KDM4C: variants seen among roughly 807,000 people sequenced by gnomAD.
KDM4C encodes the protein lysine demethylase 4C.
KDM4C carries 81 observed loss-of-function variants against 129.3 expected under a neutral mutation model. The ratio of observed to expected loss-of-function variants is 0.63; its 90% CI spans 0.52 to 0.75. The LOEUF (loss-of-function observed/expected upper bound fraction) is 0.75. KDM4C is among the 30% of genes least tolerant of loss of function. The pLI, the probability that KDM4C is intolerant of heterozygous loss-of-function variation, is 0.00. For missense variants in KDM4C, 1,457 were observed against 1,304.0 expected (o/e 1.12, Z -1.81); for synonymous variants, 573 against 456.1 (o/e 1.26, Z -3.26).
chr9:6,870,732 G>T (rs577410060), intron 5 of KDM4C, among the ~76,000 whole-genome samples: 1 of 152,112 alleles, frequency 6.6e-6, no homozygotes, highest in East Asian at 1.9e-4. Flanking sequence ...TGAGGTACTG[G>T]GCTTTCTTCT....
At chr9:7,105,472 G>T (rs768464050) in intron 18 of KDM4C, 30 of 470,686 alleles carry the variant, frequency 6.4e-5, no homozygotes, top group African/African-American at 5.4e-4. Flanking sequence ...GCTGCTGCTG[G>T]TGCTACAATC....
chr9:6,811,745 A>G (rs1831188411), intron 3 of KDM4C, among the ~76,000 whole-genome samples: 1 of 152,166 alleles, frequency 6.6e-6, no homozygotes, highest in African/African-American at 2.4e-5. Context: ...AGAGAAATTC[A>G]GCCCCGTGTC....
chr9:7,128,741 G>A (rs1474719038), intron 19 of KDM4C, among the ~76,000 whole-genome samples: 1 of 152,146 alleles, frequency 6.6e-6, no homozygotes, highest in Non-Finnish European at 1.5e-5. Flanking sequence ...CATTTAAGTA[G>A]TTTCGTTACT....
intron 15 of KDM4C, 132 bp downstream of exon 15, chr9:7,016,061 G>C (rs1192093956): frequency 2.0e-6 from 1 of 509,092 alleles, no homozygotes; most frequent in Non-Finnish European, 3.6e-6. Flanking sequence ...TGTGTTTCTA[G>C]TCTTCCCTCT....
At chr9:6,849,441 G>C (rs760718718) in intron 4 of KDM4C, 66 bp from the exon 5 acceptor site, 2 of 1,354,322 alleles carry the variant, frequency 1.5e-6, no homozygotes, top group Non-Finnish European at 2.0e-6. Flanking sequence ...GGTTTGATTA[G>C]TAAATGCTAT....
chr9:7,105,447 A>G (rs1220041922), intron 18 of KDM4C: 10 of 470,854 alleles, frequency 2.1e-5, no homozygotes, highest in East Asian at 6.9e-5. Flanking sequence ...TTGTATTGCT[A>G]CTACTACTTC....
At chr9:6,816,408 C>A (rs917210479) in intron 4 of KDM4C, among the ~76,000 whole-genome samples, 1 of 151,768 alleles carries the variant, frequency 6.6e-6, no homozygotes, top group African/African-American at 2.4e-5. Context: ...ATAGGCTCCC[C>A]TTTTCCTCCA....
Position 7,089,926 on chromosome 9 carries a change from T to G in KDM4C, c.2425-13759T>G, listed in dbSNP as rs983808257. On this transcript the variant is annotated intron_variant, in intron 17 of 21. Transcript: ENST00000381309. Reference sequence around the variant, plus strand: ...ATGGCCGTCAGCTGGGTTCCATTCCTAAGCTTGAACTGTGGCTTAAAGCAG... The same window carrying G: ...ATGGCCGTCAGCTGGGTTCCATTCCGAAGCTTGAACTGTGGCTTAAAGCAG... 5.9e-5 allele frequency among the ~76,000 whole-genome samples: 9 copies of G among 152,266 alleles called. 1 individual carries two copies.
intron 21 of KDM4C, among the ~76,000 whole-genome samples, chr9:7,173,652 C>T (rs903908840): frequency 1.2e-4 from 18 of 152,106 alleles, no homozygotes; most frequent in Non-Finnish European, 2.4e-4. Context: ...ATCCTGGACA[C>T]GGTGGGGAAA....
chr9:6,767,303 G>T (rs868494916), intron 1 of KDM4C, among the ~76,000 whole-genome samples: 2 of 148,606 alleles, frequency 1.3e-5, no homozygotes, highest in Non-Finnish European at 3.0e-5. Flanking sequence ...CTCACGCCCG[G>T]CTAATTTTTT....
intron 8 of KDM4C, among the ~76,000 whole-genome samples, chr9:6,897,752 TGTA>T (rs1349840607): frequency 1.3e-5 from 2 of 152,204 alleles, no homozygotes; most frequent in African/African-American, 4.8e-5. Context: ...CTTGCAAAGT[TGTA>T]GTATTAATGG....
intron 1 of KDM4C, among the ~76,000 whole-genome samples, chr9:6,729,199 G>C (rs1278567513): frequency 3.5e-5 from 1 of 28,190 alleles, no homozygotes; most frequent in Non-Finnish European, 5.2e-5. Flanking sequence ...GCAAAGCTCC[G>C]TCTCCAAAAA....
intron 16 of KDM4C, 38 bp from the exon 17 acceptor site, chr9:7,049,054 G>A: frequency 7.1e-7 from 1 of 1,400,072 alleles, no homozygotes; most frequent in East Asian, 2.3e-5. Flanking sequence ...GTAAGTTTAG[G>A]GAACTTTTGT....
chr9:6,797,912 C>G (rs1195200988), intron 2 of KDM4C, among the ~76,000 whole-genome samples: 1 of 152,176 alleles, frequency 6.6e-6, no homozygotes, highest in Non-Finnish European at 1.5e-5. Flanking sequence ...TTGATATAAT[C>G]AGGAAGGTGA....
upstream of KDM4C, among the ~76,000 whole-genome samples, chr9:6,752,694 C>T (rs576013022): frequency 3.9e-5 from 6 of 152,090 alleles, no homozygotes; most frequent in Non-Finnish European, 8.8e-5. Flanking sequence ...TAAGCCACCG[C>T]GCTCAGCCTA....
Position 6,752,332 on chromosome 9 carries a change from C to CAAA in KDM4C, c.49+31362_49+31364dup, listed in dbSNP as rs1159747148. Reference sequence around the variant, plus strand: ...TGGGCGACAGAGCGAAACTCCGTCTCAAAAAAAAAAAAAAAAAAAAAAAAA... The same window carrying CAAA: ...TGGGCGACAGAGCGAAACTCCGTCTCAAAAAAAAAAAAAAAAAAAAAAAAAAAA... On this transcript the variant is annotated intron_variant, in intron 1 of 17. Coordinates refer to the KDM4C transcript ENST00000536108. 4.8e-3 allele frequency among the ~76,000 whole-genome samples: 92 copies of CAAA among 19,254 alleles called. 8 individuals are homozygous for CAAA. The highest frequency in any genetic ancestry group is 0.014 in the African/African-American group (80 of 5,924). 12.6% of individuals were successfully genotyped at this position (19,254 alleles called of 152,430 possible). A position where few individuals can be genotyped will look rare whatever the true frequency, so the allele number is the denominator to read the frequency against.
At chr9:6,894,921 A>G (rs1316342638) in intron 8 of KDM4C, among the ~76,000 whole-genome samples, 1 of 152,170 alleles carries the variant, frequency 6.6e-6, no homozygotes, top group African/African-American at 2.4e-5. Context: ...TCTCTACCCT[A>G]TGGGTTAGAG....
chr9:6,958,787 G>C (rs932444331), intron 8 of KDM4C, among the ~76,000 whole-genome samples: 1 of 145,184 alleles, frequency 6.9e-6, no homozygotes, highest in South Asian at 2.2e-4. Flanking sequence ...TTCCACCTCC[G>C]CCTCCCATGT....
chr9:7,042,489 C>T (rs1296247527), intron 15 of KDM4C, among the ~76,000 whole-genome samples: 1 of 152,068 alleles, frequency 6.6e-6, no homozygotes, highest in Non-Finnish European at 1.5e-5. Context: ...CAAATAGGAA[C>T]ACAAATTGTT....
Sources: allele counts gnomAD v4.1 joint callset (sites outside exome capture counted in the v4.1 genomes callset), GRCh38; gene constraint gnomAD v4.1.1; transcripts MANE v1.5; gene names NCBI Gene and HGNC (gene_info 2026-07-23, HGNC 2026-07-21).